The following PCNX1 variants were observed in gnomAD, a reference collection of about 807,000 sequenced individuals.
The protein encoded by PCNX1 is pecanex-like protein 1.
Under a neutral mutation model 242.2 loss-of-function variants are expected in PCNX1, and 78 were observed. That is an observed-to-expected ratio of 0.32 (90% confidence interval 0.27 to 0.39). The LOEUF is 0.39. Ranked by LOEUF, PCNX1 falls within the 10% of genes least tolerant of loss-of-function variation. PCNX1 has a pLI of 1.00. For synonymous variants in PCNX1, 1,024 were observed against 1,032.9 expected (o/e 0.99, Z 0.17); for missense variants, 2,581 against 2,856.5 (o/e 0.90, Z 2.20).
chr14:71,099,171 T>G (rs1314584103), intron 30 of PCNX1, among the ~76,000 whole-genome samples: 1 of 151,180 alleles, frequency 6.6e-6, no homozygotes, highest in Non-Finnish European at 1.5e-5. Context: ...TTTTTTTTTT[T>G]TTTTTGAGAC....
At chr14:71,093,211 A>G (rs1199129955) in intron 30 of PCNX1, 1 of 152,220 alleles carries the variant, frequency 6.6e-6, no homozygotes, top group Non-Finnish European at 1.5e-5. Context: ...CATGAAAGCC[A>G]TCAAATACAA....
At chr14:70,968,474 T>C (rs1035447033) in intron 4 of PCNX1, among the ~76,000 whole-genome samples, 4 of 152,252 alleles carry the variant, frequency 2.6e-5, no homozygotes, top group African/African-American at 7.2e-5. Context: ...GTGAATTACA[T>C]AAGTTTTGAT....
intron 1 of PCNX1, among the ~76,000 whole-genome samples, chr14:70,945,160 GT>G (rs1174956021): frequency 6.6e-6 from 1 of 152,096 alleles, no homozygotes; most frequent in African/African-American, 2.4e-5. Context: ...CTATCCAGGA[GT>G]CCCCAGGCAC....
intron 30 of PCNX1, among the ~76,000 whole-genome samples, chr14:71,092,114 T>TA (rs1195593086): frequency 2.0e-5 from 3 of 152,228 alleles, no homozygotes; most frequent in African/African-American, 7.2e-5. Flanking sequence ...AGTTGCTTGA[T>TA]ATGTGCCGTA....
chr14:70,995,915 C>T lies in PCNX1; in HGVS notation c.2619C>T (p.His873=), dbSNP rs761536219. The T allele has an allele frequency of 6.8e-6, 11 of 1,612,972 alleles. No homozygotes were observed. The highest frequency in any genetic ancestry group is 4.0e-5 in the African/African-American group (3 of 74,852). Residue 873 remains histidine (H), a synonymous_variant, in exon 8 of 36, where the codon CAC becomes CAT. Coordinates refer to ENST00000304743, the MANE Select transcript of PCNX1 (RefSeq NM_014982.3). ...NASAVGGSSL[H]DELGKFSSTL... ...CTGCTGTAGGCGGTAGCAGTTTGCA[C>T]GATGAACTTGGTATGCAGGCCTTAT...
rs943231401 is a variant in PCNX1 at position 71,070,027 on chromosome 14, A to G, written c.4853-3518A>G. Among the ~76,000 whole-genome samples, 6 of 152,198 alleles carry G rather than the reference A, an allele frequency of 3.9e-5. No individual in the cohort carries two copies. In the East Asian group the frequency reaches 1.2e-3, roughly 29 times the overall value. ...GCTTTATTCATCAAGTTTATGTAGT[A>G]TTATAAATCCTTTGTTGTCATTTTA... On this transcript the variant is annotated intron_variant, in intron 26 of 35. Coordinates refer to ENST00000304743, the MANE Select transcript of PCNX1 (RefSeq NM_014982.3).
chr14:71,064,760 C>T (rs1473886998), intron 26 of PCNX1, among the ~76,000 whole-genome samples: 3 of 152,088 alleles, frequency 2.0e-5, no homozygotes, highest in Non-Finnish European at 2.9e-5. Context: ...TAATGCTATC[C>T]CTCCCCTGGC....
chr14:71,017,987 GAAAATT>G (rs2060003333), intron 11 of PCNX1, among the ~76,000 whole-genome samples: 1 of 152,084 alleles, frequency 6.6e-6, no homozygotes. Context: ...ACCTATTGTA[GAAAATT>G]TAAATATGTA....
chr14:71,022,060 C>T (rs1424746962), intron 12 of PCNX1, among the ~76,000 whole-genome samples: 2 of 152,134 alleles, frequency 1.3e-5, no homozygotes, highest in Admixed American at 6.5e-5. Context: ...TTAATCATCT[C>T]CTGGTTAATT....
rs137972535 is a variant in PCNX1, at chr14:71,003,714, A to G, written c.2630-5920A>G. ...TTAACAATTAATTAAGGCATGTTTT[A>G]TTAACTCAGAACTAGATAATCAGAT... On this transcript the variant is annotated intron_variant, in intron 8 of 35. Transcript: ENST00000304743. 2.6e-3 allele frequency among the ~76,000 whole-genome samples: 401 copies of G among 152,322 alleles called. 1 individual carries two copies. Among genetic ancestry groups the G allele is most frequent in the African/African-American group, 9.2e-3 (384 of 41,564 alleles).
chr14:71,083,405 C>T (rs539856866), intron 28 of PCNX1, among the ~76,000 whole-genome samples: 1 of 152,120 alleles, frequency 6.6e-6, no homozygotes, highest in Non-Finnish European at 1.5e-5. Flanking sequence ...GCCTGTCTTG[C>T]TAGGCTGGGG....
intron 2 of PCNX1, 82 bp from the exon 3 acceptor site, chr14:70,962,144 T>C: frequency 3.4e-6 from 3 of 875,062 alleles, no homozygotes; most frequent in Non-Finnish European, 3.8e-6. Context: ...TGGAAAAAAG[T>C]ATAACTTAAA....
intron 19 of PCNX1, among the ~76,000 whole-genome samples, chr14:71,041,851 G>A (rs1056493717): frequency 6.6e-6 from 1 of 150,802 alleles, no homozygotes; most frequent in African/African-American, 2.4e-5. Flanking sequence ...CATTGCTTTT[G>A]CTATATTCCA....
intron 31 of PCNX1, among the ~76,000 whole-genome samples, 167 bp from the exon 32 acceptor site, chr14:71,103,227 AG>A (rs1347151552): frequency 6.6e-6 from 1 of 152,238 alleles, no homozygotes; most frequent in Non-Finnish European, 1.5e-5. Flanking sequence ...CTAATGACAA[AG>A]GGAAATTGGC....
At chr14:70,948,513 C>T (rs985129569) in intron 2 of PCNX1, among the ~76,000 whole-genome samples, 2 of 151,720 alleles carry the variant, frequency 1.3e-5, no homozygotes, top group Non-Finnish European at 2.9e-5. Flanking sequence ...TTCAGCATGG[C>T]TTATAAATCT....
At chr14:71,029,417 G>A (rs1214275781) in intron 16 of PCNX1, among the ~76,000 whole-genome samples, 1 of 152,168 alleles carries the variant, frequency 6.6e-6, no homozygotes, top group African/African-American at 2.4e-5. Context: ...AAAGGACTAT[G>A]ACAAGTGACT....
At chr14:70,969,409 A>G in intron 5 of PCNX1, 1 of 282,962 alleles carries the variant, frequency 3.5e-6, no homozygotes, top group Non-Finnish European at 6.7e-6. Flanking sequence ...AGTTGGTCAG[A>G]CCAACTAGCC....
chr14:71,110,590 G>GC lies in PCNX1; in HGVS notation c.*659dup, dbSNP rs1390813193. ...ATTATTTAAATTGCCTTTGGGATTA[G>GC]CCCCTTCCCTTTCCTTATAAACACA... is the stretch of plus-strand genomic sequence containing the variant. On this transcript the variant is annotated 3_prime_UTR_variant, in exon 36 of 36. Transcript: ENST00000304743. 6.6e-6 allele frequency: 1 copy of GC among 152,622 alleles called. No individual in the cohort carries two copies. The highest frequency in any genetic ancestry group is 1.9e-4 in the East Asian group (1 of 5,214). The allele number at this position is 152,622 out of a possible 1,614,324, so 9.5% of individuals were successfully genotyped here. A position where few individuals can be genotyped will look rare whatever the true frequency, so the allele number is the denominator to read the frequency against.
chr14:70,926,296 C>T (rs550886120), intron 1 of PCNX1, among the ~76,000 whole-genome samples: 6 of 151,990 alleles, frequency 3.9e-5, no homozygotes, highest in Non-Finnish European at 5.9e-5. Context: ...GGGTTCTTTC[C>T]TTGCTGTGCT....
Sources: gnomAD v4.1 joint callset for allele counts (sites outside exome capture counted in the v4.1 genomes callset) on GRCh38, gnomAD v4.1.1 for gene constraint, MANE v1.5 for transcripts, NCBI Gene and HGNC (gene_info 2026-07-23, HGNC 2026-07-21) for gene names.